The following LRBA variants were observed in gnomAD, a reference collection of about 807,000 sequenced individuals.
LRBA encodes LPS responsive beige-like anchor protein, also known as lipopolysaccharide-responsive and beige-like anchor protein.
Under a neutral mutation model 330.0 loss-of-function variants are expected in LRBA, and 176 were observed. That is an observed-to-expected ratio of 0.53 (90% confidence interval 0.47 to 0.60). LRBA has a LOEUF of 0.60. Ranked by LOEUF, LRBA falls within the 20% of genes least tolerant of loss-of-function variation. The pLI is 0.00. For synonymous variants in LRBA, 1,230 were observed against 1,193.0 expected (o/e 1.03, Z -0.64); for missense variants, 3,259 against 3,444.8 (o/e 0.95, Z 1.35).
At chr4:150,649,047 T>C (rs1043109668) in intron 37 of LRBA, among the ~76,000 whole-genome samples, 1 of 152,124 alleles carries the variant, frequency 6.6e-6, no homozygotes, top group African/African-American at 2.4e-5. Context: ...TTGCTTCTGA[T>C]CACCTTATAG....
chr4:150,358,390 G>A (rs2151836443), intron 47 of LRBA, among the ~76,000 whole-genome samples: 1 of 152,176 alleles, frequency 6.6e-6, no homozygotes, highest in South Asian at 2.1e-4. Flanking sequence ...TTGGAAGGTA[G>A]ACTAGCCTGC....
rs539038101 is a variant in LRBA at position 150,321,765 on chromosome 4, C to T, written c.7453-397G>A. 1.2e-3 allele frequency among the ~76,000 whole-genome samples: 186 copies of T among 152,048 alleles called. No homozygotes were observed. The highest frequency in any genetic ancestry group is 4.4e-3 in the African/African-American group (182 of 41,470). On this transcript the variant is annotated intron_variant, in intron 49 of 56. Coordinates refer to ENST00000651943, the MANE Select transcript of LRBA (RefSeq NM_001364905.1). The surrounding 1 kb of genome is among the most constrained non-coding windows in gnomAD (Gnocchi z 4.5). ...CGTGTCACATAATGATCTTTTAGCA[C>T]TAAAAAAACAGTAAGAATGGACAAC...
intron 40 of LRBA, among the ~76,000 whole-genome samples, chr4:150,514,829 T>A (rs957862646): frequency 1.8e-4 from 27 of 152,368 alleles, no homozygotes; most frequent in Admixed American, 1.7e-3. Context: ...ATTGATTTAA[T>A]GAATCATCTG....
At chr4:150,309,979 T>C (rs1213398955) in intron 52 of LRBA, among the ~76,000 whole-genome samples, 1 of 152,194 alleles carries the variant, frequency 6.6e-6, no homozygotes, top group Non-Finnish European at 1.5e-5. Context: ...GAATCATTTA[T>C]TCTGTAAGCA....
At chr4:150,451,732 CA>C (rs1664204845) in intron 44 of LRBA, among the ~76,000 whole-genome samples, 1 of 151,648 alleles carries the variant, frequency 6.6e-6, no homozygotes, top group Non-Finnish European at 1.5e-5. Context: ...ACAGAAAAAG[CA>C]ATAGAAAAAT....
At chr4:150,850,059 T>TA (rs1668170641) in intron 24 of LRBA, among the ~76,000 whole-genome samples, 1 of 151,640 alleles carries the variant, frequency 6.6e-6, no homozygotes, top group Non-Finnish European at 1.5e-5. Context: ...TTTTTAATGC[T>TA]AAAAATACAT....
chr4:150,718,140 G>A (rs985582743), intron 36 of LRBA, among the ~76,000 whole-genome samples: 11 of 152,110 alleles, frequency 7.2e-5, no homozygotes, highest in Admixed American at 1.3e-4. Context: ...AAGTTAAGAT[G>A]TACAGCTCAT....
At chr4:150,777,283 A>G (rs568269194) in intron 34 of LRBA, among the ~76,000 whole-genome samples, 2 of 152,200 alleles carry the variant, frequency 1.3e-5, no homozygotes, top group South Asian at 4.1e-4. Context: ...TAACCTACCA[A>G]ATGGAATTTG....
intron 37 of LRBA, among the ~76,000 whole-genome samples, chr4:150,647,899 G>GT (rs1274840571): frequency 6.6e-6 from 1 of 151,508 alleles, no homozygotes; most frequent in Non-Finnish European, 1.5e-5. Context: ...CTCATCTATT[G>GT]TAAGTATCCT....
chr4:150,806,840 G>C (rs1742870377), intron 32 of LRBA, among the ~76,000 whole-genome samples: 1 of 151,964 alleles, frequency 6.6e-6, no homozygotes, highest in African/African-American at 2.4e-5. Flanking sequence ...AACAGACGTT[G>C]AGTGCTTATA....
chr4:150,985,065 C>T (rs1029496669), intron 2 of LRBA, among the ~76,000 whole-genome samples: 2 of 152,074 alleles, frequency 1.3e-5, no homozygotes, highest in Non-Finnish European at 2.9e-5. Flanking sequence ...CAAGACCAGC[C>T]TGGCCAACAT....
intron 55 of LRBA, 40 bp from the exon 56 acceptor site, chr4:150,278,044 G>A (rs762847938): frequency 6.3e-7 from 1 of 1,593,984 alleles, no homozygotes; most frequent in Non-Finnish European, 8.6e-7. Context: ...TGTGGTTCTA[G>A]GAAACTTTCG....
intron 40 of LRBA, chr4:150,582,890 G>A: frequency 2.0e-6 from 2 of 1,023,118 alleles, no homozygotes; most frequent in Non-Finnish European, 1.4e-6. Flanking sequence ...CAGCCCAGGT[G>A]GAAAACGAGA....
intron 9 of LRBA, among the ~76,000 whole-genome samples, chr4:150,912,939 C>T (rs1011063938): frequency 8.6e-5 from 13 of 151,998 alleles, no homozygotes; most frequent in African/African-American, 2.4e-4. Flanking sequence ...TCTAATTTTC[C>T]TTGTGATTTA....
At chr4:150,794,955 T>C (rs1740565577) in intron 34 of LRBA, among the ~76,000 whole-genome samples, 1 of 152,170 alleles carries the variant, frequency 6.6e-6, no homozygotes, top group Non-Finnish European at 1.5e-5. Context: ...TCCGAAGGAA[T>C]GATTTCTAGT....
intron 36 of LRBA, among the ~76,000 whole-genome samples, chr4:150,693,975 T>C (rs535758048): frequency 6.6e-6 from 1 of 152,216 alleles, no homozygotes; most frequent in Non-Finnish European, 1.5e-5. Flanking sequence ...AATTAAACAA[T>C]TTGTTTTGGT....
At chr4:150,461,633 A>G (rs1754790353) in intron 44 of LRBA, among the ~76,000 whole-genome samples, 7 of 151,900 alleles carry the variant, frequency 4.6e-5, no homozygotes, top group Admixed American at 4.6e-4. Flanking sequence ...TGCCTGGCAT[A>G]TAGTAAATGC....
chr4:150,853,640 T>A (rs1341440383), intron 22 of LRBA, among the ~76,000 whole-genome samples: 1 of 152,202 alleles, frequency 6.6e-6, no homozygotes, highest in Non-Finnish European at 1.5e-5. Flanking sequence ...TATCATGCTT[T>A]GCCTTTTACC....
chr4:150,857,284 A>G (rs980518877), intron 22 of LRBA, among the ~76,000 whole-genome samples: 1 of 152,146 alleles, frequency 6.6e-6, no homozygotes, highest in African/African-American at 2.4e-5. Flanking sequence ...GATGTATAAC[A>G]ATGGTATAGG....
Sources: allele counts gnomAD v4.1 joint callset (sites outside exome capture counted in the v4.1 genomes callset), GRCh38; gene constraint gnomAD v4.1.1; non-coding constraint Gnocchi (gnomAD v3.1); transcripts MANE v1.5; gene names NCBI Gene and HGNC (gene_info 2026-07-23, HGNC 2026-07-21).